Variants in NRXN3 observed in about 807,000 individuals in gnomAD.
NRXN3 encodes neurexin III.
Under a neutral mutation model 137.6 loss-of-function variants are expected in NRXN3, and 32 were observed. The observed-to-expected ratio is 0.23, with a 90% CI of 0.18 to 0.31. The LOEUF (loss-of-function observed/expected upper bound fraction) is 0.31. NRXN3 is among the 10% of genes least tolerant of loss of function. NRXN3 has a pLI of 1.00. For synonymous variants in NRXN3, 798 were observed against 784.5 expected, an observed-to-expected ratio of 1.02 and a Z score of -0.29; for missense variants, 1,574 against 2,062.5, an observed-to-expected ratio of 0.76 and a Z score of 4.59.
chr14:79,718,488 T>G (rs2098831249), intron 19 of NRXN3, among the ~76,000 whole-genome samples: 1 of 152,218 alleles, frequency 6.6e-6, no homozygotes, highest in Admixed American at 6.5e-5. Context: ...TTTTAAAGAT[T>G]ACTCTGCCAT....
chr14:79,020,862 TACACACACACACAC>T (rs3035451), intron 15 of NRXN3, among the ~76,000 whole-genome samples: 121 of 145,202 alleles, frequency 8.3e-4, no homozygotes, highest in African/African-American at 2.9e-3. Flanking sequence ...GCTTGCATTT[TACACACACACACAC>T]ACACACACAC....
At chr14:79,534,937 C>T (rs1208390900) in intron 16 of NRXN3, among the ~76,000 whole-genome samples, 1 of 152,170 alleles carries the variant, frequency 6.6e-6, no homozygotes, top group Non-Finnish European at 1.5e-5. Flanking sequence ...CTGTTAAAAG[C>T]ATTGGTCTCT....
intron 16 of NRXN3, among the ~76,000 whole-genome samples, chr14:79,609,776 AT>A (rs1186955339): frequency 1.3e-5 from 2 of 152,262 alleles, no homozygotes; most frequent in African/African-American, 4.8e-5. Flanking sequence ...AATATGCCAG[AT>A]ATAGTATCTA....
At chr14:79,344,226 C>T (rs1278557923) in intron 15 of NRXN3, among the ~76,000 whole-genome samples, 1 of 152,082 alleles carries the variant, frequency 6.6e-6, no homozygotes, top group Non-Finnish European at 1.5e-5. Flanking sequence ...TCTGCCAACT[C>T]CAGATCCTTC....
chr14:79,277,100 T>A (rs1344979347), intron 15 of NRXN3, among the ~76,000 whole-genome samples: 2 of 152,120 alleles, frequency 1.3e-5, no homozygotes, highest in Admixed American at 1.3e-4. Flanking sequence ...CCAGGGGTGG[T>A]GGTCAACTTT....
intron 4 of NRXN3, among the ~76,000 whole-genome samples, chr14:78,440,994 G>A (rs1013015099): frequency 2.0e-5 from 3 of 152,088 alleles, no homozygotes; most frequent in South Asian, 2.1e-4. Context: ...TTTCTGCTGC[G>A]GCACTCCATC....
At chr14:79,503,768 C>A (rs1290753887) in intron 16 of NRXN3, among the ~76,000 whole-genome samples, 1 of 152,158 alleles carries the variant, frequency 6.6e-6, no homozygotes, top group East Asian at 1.9e-4. Context: ...GGACATATGG[C>A]ACATTCAGTC....
chr14:79,838,207 C>T (rs576399198), intron 20 of NRXN3, among the ~76,000 whole-genome samples: 8 of 152,184 alleles, frequency 5.3e-5, no homozygotes, highest in Non-Finnish European at 7.4e-5. Context: ...GACTCATAAA[C>T]GTTTTAATTT....
intron 10 of NRXN3, among the ~76,000 whole-genome samples, chr14:78,856,448 A>G (rs1201803247): frequency 6.6e-6 from 1 of 152,194 alleles, no homozygotes; most frequent in South Asian, 2.1e-4. Context: ...TCTGGATTCT[A>G]AAATGTATAT....
chr14:79,633,873 T>C (rs1567729352), intron 16 of NRXN3, among the ~76,000 whole-genome samples: 1 of 152,150 alleles, frequency 6.6e-6, no homozygotes, highest in Non-Finnish European at 1.5e-5. Flanking sequence ...TACTTGAGTT[T>C]TGGCTACCAA....
intron 15 of NRXN3, among the ~76,000 whole-genome samples, chr14:79,299,989 A>G (rs925679286): frequency 3.9e-5 from 6 of 152,070 alleles, no homozygotes; most frequent in Non-Finnish European, 5.9e-5. Context: ...ACAAAGATCA[A>G]TAAAGTTCCT....
At chr14:79,682,821 T>A (rs2154015270) in intron 17 of NRXN3, among the ~76,000 whole-genome samples, 1 of 152,292 alleles carries the variant, frequency 6.6e-6, no homozygotes, top group South Asian at 2.1e-4. Context: ...GAAACTGTTT[T>A]TATTTAATTA....
At chr14:79,534,177 G>C (rs1021317016) in intron 16 of NRXN3, among the ~76,000 whole-genome samples, 1 of 152,124 alleles carries the variant, frequency 6.6e-6, no homozygotes, top group Non-Finnish European at 1.5e-5. Flanking sequence ...TTTGAATCTT[G>C]GAGAAGACCA....
chr14:78,662,855 T>G (rs2097852253), intron 6 of NRXN3, among the ~76,000 whole-genome samples: 1 of 152,206 alleles, frequency 6.6e-6, no homozygotes, highest in Non-Finnish European at 1.5e-5. Context: ...TACAAGAATT[T>G]ATCTTTACTC....
intron 15 of NRXN3, among the ~76,000 whole-genome samples, chr14:79,151,192 C>T (rs2059766534): frequency 6.6e-6 from 1 of 151,946 alleles, no homozygotes; most frequent in African/African-American, 2.4e-5. Context: ...GATATTAAGC[C>T]TCTATTACTC....
At chr14:79,290,717 C>T (rs1430119324) in intron 15 of NRXN3, among the ~76,000 whole-genome samples, 3 of 149,930 alleles carry the variant, frequency 2.0e-5, no homozygotes, top group Non-Finnish European at 3.0e-5. Context: ...TTTAAAAATG[C>T]GTCTATGGGT....
chr14:79,808,155 T>C (rs2140735538), intron 20 of NRXN3, among the ~76,000 whole-genome samples: 1 of 151,382 alleles, frequency 6.6e-6, no homozygotes, highest in East Asian at 2.0e-4. Context: ...GAGAAGTGCT[T>C]GAACCCGGGA....
intron 15 of NRXN3, among the ~76,000 whole-genome samples, chr14:79,420,045 A>G (rs898176025): frequency 6.6e-6 from 1 of 152,094 alleles, no homozygotes. Flanking sequence ...GGACCAGTAG[A>G]TAGAAGTTAT....
chr14:78,449,379 A>AT (rs1410954394), intron 4 of NRXN3, among the ~76,000 whole-genome samples: 1 of 151,996 alleles, frequency 6.6e-6, no homozygotes, highest in Admixed American at 6.6e-5. Flanking sequence ...GGCCTAGCTA[A>AT]TTTTTTGTAT....
Sources: gnomAD v4.1 joint callset for allele counts (sites outside exome capture counted in the v4.1 genomes callset) on GRCh38, gnomAD v4.1.1 for gene constraint, MANE v1.5 for transcripts, NCBI Gene and HGNC (gene_info 2026-07-23, HGNC 2026-07-21) for gene names.